Variants in FGF14 observed in about 807,000 individuals in gnomAD.
FGF14 encodes the protein fibroblast growth factor homologous factor 4.
In FGF14, 5 loss-of-function variants were observed where a neutral mutation model predicts 25.5. The ratio of observed to expected loss-of-function variants is 0.20; its 90% CI spans 0.10 to 0.41. The LOEUF (loss-of-function observed/expected upper bound fraction) is 0.41. FGF14 is among the 10% of genes least tolerant of loss of function. The pLI, the probability that FGF14 is intolerant of heterozygous loss-of-function variation, is 1.00. For missense variants in FGF14, 222 were observed against 320.1 expected, an observed-to-expected ratio of 0.69 and a Z score of 2.34; for synonymous variants, 138 against 118.3, an observed-to-expected ratio of 1.17 and a Z score of -1.08.
At chr13:101,940,044 A>C (rs1187499073) in intron 1 of FGF14, among the ~76,000 whole-genome samples, 1 of 152,244 alleles carries the variant, frequency 6.6e-6, no homozygotes, top group Non-Finnish European at 1.5e-5. Context: ...TTTCTCCTTA[A>C]CTGGCAAAAT....
At chr13:102,036,737 C>A (rs941359656) in intron 1 of FGF14, among the ~76,000 whole-genome samples, 10 of 152,066 alleles carry the variant, frequency 6.6e-5, no homozygotes, top group Non-Finnish European at 1.3e-4. Context: ...ACAACAACAA[C>A]AACACATCAC....
chr13:101,799,961 C>CAAAT (rs1405168503), intron 3 of FGF14, among the ~76,000 whole-genome samples: 7 of 152,082 alleles, frequency 4.6e-5, no homozygotes, highest in Non-Finnish European at 1.5e-5. Flanking sequence ...TTAGTGCAGA[C>CAAAT]AAATGAATTG....
chr13:102,106,965 G>A (rs970400502), intron 1 of FGF14, among the ~76,000 whole-genome samples: 6 of 152,176 alleles, frequency 3.9e-5, no homozygotes, highest in Admixed American at 2.6e-4. Context: ...GCAACAGTCC[G>A]ATAGCTCACG....
At chr13:102,067,234 C>T (rs374034608) in intron 1 of FGF14, among the ~76,000 whole-genome samples, 10 of 152,074 alleles carry the variant, frequency 6.6e-5, no homozygotes, top group African/African-American at 1.9e-4. Flanking sequence ...TATAACTATG[C>T]GTATTTAGTT....
chr13:101,947,513 G>C (rs993971310), intron 1 of FGF14, among the ~76,000 whole-genome samples: 8 of 152,270 alleles, frequency 5.3e-5, no homozygotes, highest in Admixed American at 5.2e-4. Flanking sequence ...CCATAAAAAA[G>C]AATGAAATCA....
chr13:102,042,736 T>C (rs566270709), intron 1 of FGF14, among the ~76,000 whole-genome samples: 1 of 152,354 alleles, frequency 6.6e-6, no homozygotes, highest in African/African-American at 2.4e-5. Flanking sequence ...CATGTCTGTG[T>C]ATATTTTAGG....
intron 1 of FGF14, among the ~76,000 whole-genome samples, chr13:101,910,354 T>C (rs1452074802): frequency 6.6e-6 from 1 of 152,226 alleles, no homozygotes; most frequent in Non-Finnish European, 1.5e-5. Context: ...ATGCTTCTGC[T>C]GCATATATGT....
At chr13:102,000,885 C>T (rs2039456971) in intron 1 of FGF14, among the ~76,000 whole-genome samples, 1 of 152,182 alleles carries the variant, frequency 6.6e-6, no homozygotes, top group African/African-American at 2.4e-5. Context: ...AAATGAGAGG[C>T]TTCAGCTGGA....
At chr13:101,787,613 T>A (rs2039919293) in intron 3 of FGF14, among the ~76,000 whole-genome samples, 1 of 152,144 alleles carries the variant, frequency 6.6e-6, no homozygotes, top group African/African-American at 2.4e-5. Flanking sequence ...ACTGACTGCC[T>A]CTCCTCAGAG....
chr13:102,262,791 CTTTTA>C (rs1461447884), intron 1 of FGF14, among the ~76,000 whole-genome samples: 4 of 152,000 alleles, frequency 2.6e-5, no homozygotes, highest in Non-Finnish European at 4.4e-5. Flanking sequence ...TATTTTGATG[CTTTTA>C]TTTTATATCA....
chr13:102,399,761 G>C (rs752084676), intron 1 of FGF14, among the ~76,000 whole-genome samples: 1 of 152,086 alleles, frequency 6.6e-6, no homozygotes, highest in Non-Finnish European at 1.5e-5. Context: ...GTAAAAGGAC[G>C]GAGGAGGAGG....
chr13:101,781,670 C>T (rs1158434742), intron 3 of FGF14, among the ~76,000 whole-genome samples: 1 of 152,162 alleles, frequency 6.6e-6, no homozygotes, highest in Non-Finnish European at 1.5e-5. Context: ...TAAAGATATA[C>T]ACTTAGGAAG....
chr13:101,720,363 T>TAGAC lies in FGF14; in HGVS notation c.*2464_*2467dup, dbSNP rs1360026039. 1 of 152,186 alleles carries TAGAC rather than the reference T, an allele frequency of 6.6e-6. No homozygotes were observed. The highest frequency in any genetic ancestry group is 2.4e-5 in the African/African-American group (1 of 41,462). The allele number at this position is 152,186 out of a possible 1,614,324, so 9.4% of individuals were successfully genotyped here. On this transcript the variant is annotated 3_prime_UTR_variant, in exon 5 of 5. Coordinates refer to ENST00000376143, the MANE Select transcript of FGF14 (RefSeq NM_004115.4). ...TCCTTCATAGGGATAAATGCCCTTATAGACACCCCATATATAAAACACAAC... is the reference window on the plus strand; with the variant it reads ...TCCTTCATAGGGATAAATGCCCTTATAGACAGACACCCCATATATAAAACACAAC...
chr13:101,747,801 T>G (rs1035638895), intron 3 of FGF14, among the ~76,000 whole-genome samples: 3 of 151,464 alleles, frequency 2.0e-5, no homozygotes, highest in Admixed American at 6.6e-5. Flanking sequence ...AAACACCACA[T>G]TAAAAAGTGG....
intron 1 of FGF14, among the ~76,000 whole-genome samples, chr13:102,322,101 T>G (rs1361745791): frequency 1.3e-5 from 2 of 152,194 alleles, no homozygotes; most frequent in African/African-American, 4.8e-5. Flanking sequence ...AATGAAAAAC[T>G]AATGGGCTGG....
rs980924688 is a variant in FGF14, at chr13:101,882,472, T to G, written c.194-7176A>C. Among the ~76,000 whole-genome samples the G allele has an allele frequency of 2.0e-5, 3 of 152,084 alleles. 1 individual carries two copies. The highest frequency in any genetic ancestry group is 1.5e-5 in the Non-Finnish European group (1 of 68,024). ...CCATGAAAACAAGAATTACACCAGA[T>G]GTGCAGTTTTATCTATTTCTTCAGA... On this transcript the variant is annotated intron_variant, in intron 1 of 4. Coordinates refer to ENST00000376143, the MANE Select transcript of FGF14 (RefSeq NM_004115.4).
intron 1 of FGF14, among the ~76,000 whole-genome samples, chr13:102,068,125 T>A (rs944091206): frequency 6.6e-5 from 10 of 152,212 alleles, no homozygotes; most frequent in African/African-American, 2.4e-4. Flanking sequence ...AGGGATTTCA[T>A]CAATCTCAGA....
intron 1 of FGF14, among the ~76,000 whole-genome samples, chr13:102,183,995 G>GT (rs1400423395): frequency 6.6e-6 from 1 of 152,160 alleles, no homozygotes; most frequent in Non-Finnish European, 1.5e-5. Context: ...CTTCTAGGAG[G>GT]TTAAGTAAAT....
At chr13:101,854,520 A>C (rs1171831653) in intron 3 of FGF14, among the ~76,000 whole-genome samples, 1 of 152,110 alleles carries the variant, frequency 6.6e-6, no homozygotes, top group Non-Finnish European at 1.5e-5. Flanking sequence ...ACCTAGTATA[A>C]TTAATTGCCA....
Sources: gnomAD v4.1 joint callset for allele counts (sites outside exome capture counted in the v4.1 genomes callset) on GRCh38, gnomAD v4.1.1 for gene constraint, MANE v1.5 for transcripts, NCBI Gene and HGNC (gene_info 2026-07-23, HGNC 2026-07-21) for gene names.